GUCY2C: variants seen among roughly 807,000 people sequenced by gnomAD.
GUCY2C encodes guanylyl cyclase C.
A neutral mutation model predicts 131.1 loss-of-function variants in GUCY2C; 118 were observed. The observed-to-expected ratio is 0.90, with a 90% CI of 0.78 to 1.05. GUCY2C has a LOEUF of 1.05. Ranked by LOEUF, GUCY2C falls within the 50% of genes least tolerant of loss-of-function variation. The probability of loss-of-function intolerance (pLI) is 0.00; values close to 1 mark genes in which losing one functional copy is unlikely to be tolerated. For missense variants in GUCY2C, 1,161 were observed against 1,304.4 expected (o/e 0.89, Z 1.69); for synonymous variants, 452 against 457.8 (o/e 0.99, Z 0.16).
At chr12:14,672,467 TAAC>T (rs1449362817) in intron 9 of GUCY2C, among the ~76,000 whole-genome samples, 1 of 152,194 alleles carries the variant, frequency 6.6e-6, no homozygotes, top group Non-Finnish European at 1.5e-5. Context: ...CAAATGGAGA[TAAC>T]AGGGAATATT....
intron 7 of GUCY2C, 71 bp from the exon 8 acceptor site, chr12:14,674,831 G>T: frequency 8.3e-7 from 1 of 1,211,378 alleles, no homozygotes; most frequent in Non-Finnish European, 1.2e-6. Flanking sequence ...AGAACAAAAG[G>T]TTGTTGGGAT....
At chr12:14,624,775 A>G (rs1398593671) in intron 21 of GUCY2C, among the ~76,000 whole-genome samples, 1 of 152,242 alleles carries the variant, frequency 6.6e-6, no homozygotes, top group African/African-American at 2.4e-5. Flanking sequence ...ACCAACTAGT[A>G]GTCCAAGTGG....
intron 1 of GUCY2C, among the ~76,000 whole-genome samples, chr12:14,694,072 T>C (rs1948618535): frequency 6.6e-6 from 1 of 152,232 alleles, no homozygotes; most frequent in Non-Finnish European, 1.5e-5. Flanking sequence ...AGTTTTCTGA[T>C]TGAATCCACA....
At chr12:14,684,432 G>T (rs10744075) in intron 3 of GUCY2C, among the ~76,000 whole-genome samples, 150,215 of 152,076 alleles carry the variant, frequency 0.99, 74,202 homozygotes, top group Middle Eastern at 1. Flanking sequence ...CTTCATAAGA[G>T]TTTTTTCCTC....
intron 2 of GUCY2C, among the ~76,000 whole-genome samples, 187 bp downstream of exon 2, chr12:14,687,764 G>A (rs1036426233): frequency 6.6e-6 from 1 of 152,198 alleles, no homozygotes; most frequent in Non-Finnish European, 1.5e-5. Context: ...GATTCATGGA[G>A]GGCCCCTGTC....
chr12:14,686,359 A>G (rs1478254223), intron 2 of GUCY2C, 134 bp from the exon 3 acceptor site: 3 of 664,506 alleles, frequency 4.5e-6, no homozygotes, highest in East Asian at 2.7e-5. Context: ...TCAGAGCAAC[A>G]TAGGGTGCCT....
chr12:14,650,738 C>T (rs1355178922), intron 15 of GUCY2C, among the ~76,000 whole-genome samples: 2 of 152,164 alleles, frequency 1.3e-5, no homozygotes, highest in Non-Finnish European at 2.9e-5. Context: ...CTTAATGTGT[C>T]ACTTTTTCCT....
intron 4 of GUCY2C, among the ~76,000 whole-genome samples, chr12:14,682,466 C>T (rs1948367291): frequency 6.6e-6 from 1 of 152,156 alleles, no homozygotes; most frequent in Non-Finnish European, 1.5e-5. Context: ...TGGGGCCTCC[C>T]CAGCTATGCG....
intron 9 of GUCY2C, 22 bp from the exon 10 acceptor site, chr12:14,669,855 A>T: frequency 1.0e-6 from 1 of 968,986 alleles, no homozygotes; most frequent in Non-Finnish European, 1.6e-6. Flanking sequence ...CACAAAAAAG[A>T]AAAAGGATGA....
chr12:14,632,806 A>C (rs922723254), intron 19 of GUCY2C, among the ~76,000 whole-genome samples: 9 of 151,938 alleles, frequency 5.9e-5, no homozygotes, highest in Non-Finnish European at 1.2e-4. Flanking sequence ...GGGGCCCTAG[A>C]GATCTCCTAG....
In GUCY2C at chr12:14,643,673, C is replaced by A. The variant is rs1185015781; in HGVS notation, c.1831G>T (p.Val611Phe). ...TTGGTAGATTTCAGACGACCATGGA[C>A]TTCTGTCTTACTGGAGTGCAGATAT... Reference protein sequence around the residue: ...MSYLHSSKTEVHGRLKSTNCV... With the variant: ...MSYLHSSKTEFHGRLKSTNCV... Residue 611 changes from valine (V) to phenylalanine (F), a missense_variant, in exon 17 of 27, where the codon GTC becomes TTC. Transcript: ENST00000261170. The A allele has an allele frequency of 6.2e-7, 1 of 1,613,370 alleles. No individual in the cohort carries two copies. The highest frequency in any genetic ancestry group is 1.7e-5 in the Admixed American group (1 of 60,022).
chr12:14,673,010 G>T, intron 8 of GUCY2C, 52 bp from the exon 9 acceptor site: 2 of 991,556 alleles, frequency 2.0e-6, no homozygotes, highest in Non-Finnish European at 3.3e-6. Flanking sequence ...TTGCCTGACA[G>T]ATAAGTTGGA....
In GUCY2C at chr12:14,628,643, T is replaced by A. The variant is rs1431562133; in HGVS notation, c.2249+3A>T. 3.5e-6 allele frequency: 5 copies of A among 1,424,538 alleles called. No individual in the cohort carries two copies. Among genetic ancestry groups the A allele is most frequent in the Non-Finnish European group, 5.0e-6 (5 of 1,007,274 alleles). The allele number at this position is 1,424,538 out of a possible 1,614,324, so 88.2% of individuals were successfully genotyped here. On this transcript the variant is annotated splice_donor_region_variant and intron_variant, in intron 20 of 26. Coordinates refer to ENST00000261170, the MANE Select transcript of GUCY2C (RefSeq NM_004963.4). Reference sequence around the variant, plus strand: ...TGAATAAAAGTAAACATTTCAGCAATACCCAAATATCTTGGCAAGTGTAGT... The same window carrying A: ...TGAATAAAAGTAAACATTTCAGCAAAACCCAAATATCTTGGCAAGTGTAGT...
intron 24 of GUCY2C, among the ~76,000 whole-genome samples, chr12:14,618,882 A>G (rs1946833648): frequency 1.3e-5 from 2 of 152,136 alleles, no homozygotes; most frequent in Non-Finnish European, 2.9e-5. Context: ...TACCTTGCCT[A>G]CTGATTTTTT....
intron 1 of GUCY2C, among the ~76,000 whole-genome samples, chr12:14,693,679 C>G (rs1948612248): frequency 6.6e-6 from 1 of 152,212 alleles, no homozygotes; most frequent in South Asian, 2.1e-4. Context: ...AATGCACTAA[C>G]AAATGTAAAA....
At position 14,642,815 on chromosome 12, in the gene GUCY2C, T is replaced by C. The variant is rs555198228; in HGVS notation, c.1930+759A>G. 2.6e-5 allele frequency among the ~76,000 whole-genome samples: 4 copies of C among 152,322 alleles called. No individual in the cohort carries two copies. In the South Asian group the frequency reaches 8.3e-4, roughly 32 times the overall value. ...TATTAGATTGAGTTCAATATCATAT[T>C]ATGCTTGAAATGGCTGTGGATGTAG... is the stretch of plus-strand genomic sequence containing the variant. On this transcript the variant is annotated intron_variant, in intron 17 of 26. Coordinates refer to ENST00000261170, the MANE Select transcript of GUCY2C (RefSeq NM_004963.4).
intron 17 of GUCY2C, 122 bp from the exon 18 acceptor site, chr12:14,641,341 G>A (rs932938644): frequency 9.8e-7 from 1 of 1,016,436 alleles, no homozygotes; most frequent in Non-Finnish European, 1.4e-6. Flanking sequence ...TAGCTTATAA[G>A]TGGCCTTGAA....
At position 14,621,156 on chromosome 12, in the gene GUCY2C, G is replaced by A. The variant is rs144618542; in HGVS notation, c.2662C>T (p.Arg888Trp). ...ATCTTGGCAATGTCTATTGCATGCC[G>A]ATTGCCATTTCTCTTAGGCAAACCA... ...ASGLPKRNGN[R>W]HAIDIAKMAL... Residue 888 changes from arginine (R) to tryptophan (W), a missense_variant, in exon 23 of 27, where the codon CGG (arginine) becomes TGG (tryptophan). Coordinates refer to ENST00000261170, the MANE Select transcript of GUCY2C (RefSeq NM_004963.4). The A allele has an allele frequency of 1.5e-4, 241 of 1,613,122 alleles. No homozygotes were observed. In the East Asian group the frequency reaches 1.8e-3, roughly 12 times the overall value.
intron 6 of GUCY2C, 37 bp from the exon 7 acceptor site, chr12:14,677,008 GA>G: frequency 1.5e-6 from 1 of 653,266 alleles, no homozygotes; most frequent in South Asian, 2.6e-5. Flanking sequence ...TGAAAATTAG[GA>G]AAAATAGAGA....
Sources: allele counts gnomAD v4.1 joint callset (sites outside exome capture counted in the v4.1 genomes callset), GRCh38; gene constraint gnomAD v4.1.1; transcripts MANE v1.5; gene names NCBI Gene and HGNC (gene_info 2026-07-23, HGNC 2026-07-21).